Variants in ERC2 observed in about 807,000 individuals in gnomAD.
ERC2 encodes the protein ERC protein 2.
A neutral mutation model predicts 114.8 loss-of-function variants in ERC2; 42 were observed. The ratio of observed to expected loss-of-function variants is 0.37; its 90% CI spans 0.29 to 0.47. The LOEUF (loss-of-function observed/expected upper bound fraction) is 0.47, where lower values mean the gene tolerates loss of function less well. ERC2 is among the 20% of genes least tolerant of loss of function. ERC2 has a pLI of 0.99. For synonymous variants in ERC2, 454 were observed against 425.5 expected, an observed-to-expected ratio of 1.07 and a Z score of -0.82; for missense variants, 939 against 1,150.7, an observed-to-expected ratio of 0.82 and a Z score of 2.66.
chr3:56,449,443 G>A (rs960373335), intron 1 of ERC2, among the ~76,000 whole-genome samples: 3 of 152,214 alleles, frequency 2.0e-5, no homozygotes, highest in African/African-American at 7.2e-5. Flanking sequence ...GAACACGGGA[G>A]CTATGCAAAA....
At chr3:55,822,163 T>C (rs1427519941) in intron 14 of ERC2, among the ~76,000 whole-genome samples, 1 of 152,246 alleles carries the variant, frequency 6.6e-6, no homozygotes, top group Non-Finnish European at 1.5e-5. Flanking sequence ...TGTACATTTT[T>C]AAATGTTCTG....
In ERC2 at chr3:56,079,330, A is replaced by G. The variant is rs968215015; in HGVS notation, c.1641+1487T>C. ...TAAAGCACACCTCAGTCAAGGCCTT[A>G]ATCGCTACAAGTGGCTCGTGACTAC... is the stretch of plus-strand genomic sequence containing the variant. On this transcript the variant is annotated intron_variant, in intron 7 of 17. Coordinates refer to ENST00000288221, the MANE Select transcript of ERC2 (RefSeq NM_015576.3). 2.0e-5 allele frequency among the ~76,000 whole-genome samples: 3 copies of G among 152,168 alleles called. No individual in the cohort carries two copies. The South Asian group carries it at 6.2e-4, about 32-fold the overall frequency.
intron 2 of ERC2, among the ~76,000 whole-genome samples, chr3:56,318,055 T>C (rs1037988202): frequency 6.6e-6 from 1 of 152,252 alleles, no homozygotes; most frequent in African/African-American, 2.4e-5. Flanking sequence ...TGCCTAGTAT[T>C]GTGCCTGGCA....
At chr3:55,942,951 C>T (rs2066899739) in intron 13 of ERC2, among the ~76,000 whole-genome samples, 1 of 152,206 alleles carries the variant, frequency 6.6e-6, no homozygotes, top group South Asian at 2.1e-4. Context: ...GCCCAGGTCT[C>T]TGCCTTGGGC....
rs755705170 is a variant in ERC2 at position 56,149,121 on chromosome 3, G to A, written c.1161C>T (p.Ile387=). The change falls in exon 5 of 18, where the codon ATC becomes ATT. Residue 387 remains isoleucine (I), a synonymous_variant. Transcript: ENST00000288221. ...CCCTTATGTTTCGTTCCAATGAAGC[G>A]ATTTTTGTGTCCTGTTGGTAAAGAA... ...QTVIEMKDTK[I]ASLERNIRDL... The A allele has an allele frequency of 1.1e-5, 18 of 1,606,208 alleles. No homozygotes were observed. Among genetic ancestry groups the A allele is most frequent in the Middle Eastern group, 1.7e-4 (1 of 6,054 alleles).
chr3:56,100,309 T>C (rs1290311629), intron 6 of ERC2, among the ~76,000 whole-genome samples: 2 of 152,152 alleles, frequency 1.3e-5, no homozygotes, highest in Non-Finnish European at 2.9e-5. Flanking sequence ...TTCCCTCTCC[T>C]GCCAAAAACC....
chr3:55,769,849 T>C (rs1213371279), intron 14 of ERC2, among the ~76,000 whole-genome samples: 2 of 152,188 alleles, frequency 1.3e-5, no homozygotes, highest in African/African-American at 4.8e-5. Flanking sequence ...GGCAAGTGAA[T>C]GGAAGGAGGG....
intron 2 of ERC2, among the ~76,000 whole-genome samples, chr3:56,326,527 C>T (rs1048581633): frequency 2.6e-5 from 4 of 152,228 alleles, no homozygotes; most frequent in Non-Finnish European, 5.9e-5. Context: ...AAGCTGTTCT[C>T]CAGAACCACC....
chr3:55,997,880 G>GTTTTTT (rs869077498), intron 10 of ERC2, among the ~76,000 whole-genome samples: 15 of 44,764 alleles, frequency 3.4e-4, no homozygotes, highest in African/African-American at 8.8e-4. Context: ...TCTTAATTCT[G>GTTTTTT]TTTTTTTTTT....
chr3:55,678,824 A>G (rs540855856), intron 17 of ERC2, among the ~76,000 whole-genome samples: 2 of 152,280 alleles, frequency 1.3e-5, no homozygotes, highest in East Asian at 1.9e-4. Flanking sequence ...CACCCAAGGT[A>G]GAAATCTGGA....
In ERC2 at chr3:55,572,629, C is replaced by T. The variant is rs562484948; in HGVS notation, c.*40-61353G>A. Among the ~76,000 whole-genome samples the T allele has an allele frequency of 2.6e-5, 4 of 152,322 alleles. No individual in the cohort carries two copies. In the South Asian group the frequency reaches 8.3e-4, roughly 32 times the overall value. On this transcript the variant is annotated intron_variant, in intron 17 of 17. Transcript: ENST00000288221. ...ATAATCTTGTCAGCAACCCCATTTTCAGATGGGAACACAGATTCTGACTGG... is the reference window on the plus strand; with the variant it reads ...ATAATCTTGTCAGCAACCCCATTTTTAGATGGGAACACAGATTCTGACTGG...
intron 3 of ERC2, 21 bp from the exon 4 acceptor site, chr3:56,173,541 A>G: frequency 6.2e-7 from 1 of 1,611,924 alleles, no homozygotes; most frequent in Non-Finnish European, 8.5e-7. Flanking sequence ...ACACGATAGA[A>G]ATAAGCCTGA....
At chr3:56,138,540 G>A (rs112026266) in intron 6 of ERC2, among the ~76,000 whole-genome samples, 1 of 151,978 alleles carries the variant, frequency 6.6e-6, no homozygotes, top group Non-Finnish European at 1.5e-5. Flanking sequence ...GGACACTGTC[G>A]TGCACCTTGA....
intron 2 of ERC2, among the ~76,000 whole-genome samples, chr3:56,415,380 T>TAACTCTATATAGAGACAA (rs1416072228): frequency 1.3e-5 from 2 of 152,190 alleles, no homozygotes; most frequent in Non-Finnish European, 2.9e-5. Flanking sequence ...GACAAAACAT[T>TAACTCTATATAGAGACAA]AACTCTATAA....
chr3:56,196,840 G>A (rs983038591), intron 3 of ERC2, among the ~76,000 whole-genome samples: 18 of 152,022 alleles, frequency 1.2e-4, no homozygotes, highest in Admixed American at 7.2e-4. Flanking sequence ...ACTATACCCC[G>A]CTTTGTCCTT....
At chr3:55,712,146 C>A (rs538960561) in intron 15 of ERC2, among the ~76,000 whole-genome samples, 13 of 152,256 alleles carry the variant, frequency 8.5e-5, no homozygotes, top group African/African-American at 3.1e-4. Flanking sequence ...TTTTTTCCCA[C>A]GTTTCTTCTT....
intron 15 of ERC2, among the ~76,000 whole-genome samples, chr3:55,705,503 C>T (rs1358046267): frequency 6.6e-6 from 1 of 152,170 alleles, no homozygotes; most frequent in Non-Finnish European, 1.5e-5. Context: ...ATAACATCAA[C>T]CTGTGGCATT....
chr3:56,028,470 G>A (rs1023797867), intron 7 of ERC2, among the ~76,000 whole-genome samples: 1 of 151,870 alleles, frequency 6.6e-6, no homozygotes, highest in African/African-American at 2.4e-5. Context: ...GTCTTCTTTA[G>A]TTGTGCTCAT....
intron 3 of ERC2, among the ~76,000 whole-genome samples, chr3:56,286,696 A>ATACG (rs1488699939): frequency 1.3e-5 from 2 of 152,164 alleles, no homozygotes; most frequent in African/African-American, 4.8e-5. Flanking sequence ...AGGGTACTAT[A>ATACG]TACGTACTTA....
Sources: gnomAD v4.1 joint callset for allele counts (sites outside exome capture counted in the v4.1 genomes callset) on GRCh38, gnomAD v4.1.1 for gene constraint, MANE v1.5 for transcripts, NCBI Gene and HGNC (gene_info 2026-07-23, HGNC 2026-07-21) for gene names.